The following LNPK variants were observed in gnomAD, a reference collection of about 807,000 sequenced individuals.
LNPK encodes the protein lunapark, ER junction formation factor.
LNPK carries 29 observed loss-of-function variants against 55.2 expected under a neutral mutation model. The observed-to-expected ratio is 0.53, with a 90% CI of 0.39 to 0.72. The LOEUF (loss-of-function observed/expected upper bound fraction) is 0.72, where lower values mean the gene tolerates loss of function less well. Among genes scored for constraint, LNPK ranks in the 30% least tolerant of loss-of-function variants. The pLI is 0.00. For missense variants in LNPK, 467 were observed against 494.8 expected (o/e 0.94, Z 0.53); for synonymous variants, 162 against 168.2 (o/e 0.96, Z 0.29).
intron 12 of LNPK, chr2:175,935,612 A>C (rs1256625464): frequency 5.9e-6 from 1 of 169,334 alleles, no homozygotes; most frequent in African/African-American, 2.4e-5. Context: ...ATTATTCTAG[A>C]AACTATCTTA....
In LNPK at chr2:175,937,381, T is replaced by C. The variant is rs752982922; in HGVS notation, c.1017A>G (p.Ser339=). The change falls in exon 12 of 13, where the codon TCA becomes TCG. Residue 339 remains serine (S), a synonymous_variant. Coordinates refer to ENST00000272748, the MANE Select transcript of LNPK (RefSeq NM_030650.3). ...GGTTGTCTGATGAAAGCACACTTCCTGATGGCAAGGGACCAACTGAACTTG... is the reference window on the plus strand; with the variant it reads ...GGTTGTCTGATGAAAGCACACTTCCCGATGGCAAGGGACCAACTGAACTTG... ...EGSSSVGPLP[S]GSVLSSDNQF... is the part of the protein sequence containing the mutation. 6.2e-7 allele frequency: 1 copy of C among 1,613,760 alleles called. No individual in the cohort carries two copies. Among genetic ancestry groups the C allele is most frequent in the African/African-American group, 1.3e-5 (1 of 75,034 alleles).
At chr2:175,995,885 C>T (rs1322290592) in intron 1 of LNPK, among the ~76,000 whole-genome samples, 1 of 121,692 alleles carries the variant, frequency 8.2e-6, no homozygotes, top group African/African-American at 3.0e-5. Flanking sequence ...GAGATCTCAA[C>T]TCACTGCAAC....
intron 8 of LNPK, among the ~76,000 whole-genome samples, chr2:175,958,958 A>G (rs1685851684): frequency 6.6e-6 from 1 of 152,200 alleles, no homozygotes; most frequent in East Asian, 1.9e-4. Context: ...CATCAAACAG[A>G]AGAAAGGGTA....
At chr2:175,956,278 C>CAAAAAA (rs10630601) in intron 8 of LNPK, among the ~76,000 whole-genome samples, 1 of 108,542 alleles carries the variant, frequency 9.2e-6, no homozygotes, top group African/African-American at 3.5e-5. Flanking sequence ...ACCATGTATT[C>CAAAAAA]AAAAAAAAAA....
At chr2:175,986,279 C>T (rs1687407043) in intron 4 of LNPK, among the ~76,000 whole-genome samples, 1 of 151,982 alleles carries the variant, frequency 6.6e-6, no homozygotes, top group Admixed American at 6.5e-5. Context: ...ACCAAAAAAA[C>T]TCAATAAACT....
chr2:175,994,171 T>C, intron 2 of LNPK: 2 of 979,742 alleles, frequency 2.0e-6, no homozygotes, highest in Non-Finnish European at 2.4e-6. Flanking sequence ...GTAATGAATA[T>C]CAGTTCATTG....
intron 8 of LNPK, among the ~76,000 whole-genome samples, chr2:175,959,733 G>C (rs1238230682): frequency 6.6e-6 from 1 of 152,046 alleles, no homozygotes; most frequent in Admixed American, 6.6e-5. Context: ...AATGTAAATG[G>C]GCTAAATGCC....
chr2:175,991,304 T>C (rs1160807956), intron 4 of LNPK, among the ~76,000 whole-genome samples: 3 of 152,174 alleles, frequency 2.0e-5, no homozygotes, highest in Non-Finnish European at 4.4e-5. Context: ...AATTATAAAA[T>C]CCACTACTTC....
At chr2:175,936,749 T>A (rs959102345) in intron 12 of LNPK, among the ~76,000 whole-genome samples, 1 of 152,158 alleles carries the variant, frequency 6.6e-6, no homozygotes, top group Admixed American at 6.5e-5. Context: ...ACCCAATAAA[T>A]TCTGATAAAT....
At chr2:175,985,147 A>G (rs1687345518) in intron 4 of LNPK, among the ~76,000 whole-genome samples, 1 of 152,202 alleles carries the variant, frequency 6.6e-6, no homozygotes, top group Non-Finnish European at 1.5e-5. Context: ...TGAAATAACA[A>G]ATTTGTGGAG....
chr2:175,971,582 A>C (rs1426382985), intron 5 of LNPK, among the ~76,000 whole-genome samples: 7 of 152,194 alleles, frequency 4.6e-5, no homozygotes, highest in Non-Finnish European at 1.0e-4. Context: ...TTTATAAATA[A>C]AATTATTACT....
intron 4 of LNPK, among the ~76,000 whole-genome samples, chr2:175,982,168 A>C (rs1026584654): frequency 6.6e-6 from 1 of 151,132 alleles, no homozygotes; most frequent in Non-Finnish European, 1.5e-5. Flanking sequence ...TCACTTCTCC[A>C]GTGCAAACCC....
intron 3 of LNPK, among the ~76,000 whole-genome samples, chr2:175,992,852 G>T (rs1200284327): frequency 6.6e-6 from 1 of 151,994 alleles, no homozygotes; most frequent in Non-Finnish European, 1.5e-5. Flanking sequence ...AATCATTTTT[G>T]ATAATAGTAT....
chr2:176,002,028 G>A (rs79273881), intron 1 of LNPK, 132 bp downstream of exon 1: 5,096 of 325,102 alleles, frequency 0.016, 51 homozygotes, highest in East Asian at 0.029. Context: ...CAGAGCTCTA[G>A]GCCACTTGGC....
chr2:175,981,810 A>C (rs565770623), intron 4 of LNPK, among the ~76,000 whole-genome samples: 58 of 152,280 alleles, frequency 3.8e-4, no homozygotes, highest in Non-Finnish European at 6.8e-4. Context: ...TTTACCTAAG[A>C]ACAAAAGATC....
chr2:175,997,479 T>A (rs1006483464), intron 1 of LNPK, among the ~76,000 whole-genome samples: 1 of 152,184 alleles, frequency 6.6e-6, no homozygotes, highest in Non-Finnish European at 1.5e-5. Flanking sequence ...AAAATATACA[T>A]CATTCCACTA....
chr2:175,965,795 GAGTTAGA>G (rs997156275), intron 6 of LNPK, among the ~76,000 whole-genome samples: 1 of 56,032 alleles, frequency 1.8e-5, no homozygotes, highest in Non-Finnish European at 3.4e-5. Flanking sequence ...TATCACTTTA[GAGTTAGA>G]AAAAAAAAAA....
intron 5 of LNPK, among the ~76,000 whole-genome samples, chr2:175,979,165 G>A (rs570111600): frequency 6.6e-6 from 1 of 151,854 alleles, no homozygotes. Flanking sequence ...AATATACGGG[G>A]TGAAAAAAAT....
intron 2 of LNPK, chr2:175,994,313 T>C (rs543591028): frequency 1.0e-6 from 1 of 984,324 alleles, no homozygotes; most frequent in South Asian, 4.7e-5. Context: ...AAGAGATAAA[T>C]TTGATCCTTG....
Sources: allele counts gnomAD v4.1 joint callset (sites outside exome capture counted in the v4.1 genomes callset), GRCh38; gene constraint gnomAD v4.1.1; transcripts MANE v1.5; gene names NCBI Gene and HGNC (gene_info 2026-07-23, HGNC 2026-07-21).